LHX8: variants seen among roughly 807,000 people sequenced by gnomAD.
The protein encoded by LHX8 is LIM homeobox 8.
In LHX8, 12 loss-of-function variants were observed where a neutral mutation model predicts 40.3. That is an observed-to-expected ratio of 0.30 (90% CI 0.19 to 0.48). The LOEUF (loss-of-function observed/expected upper bound fraction) is 0.48, where lower values mean the gene tolerates loss of function less well. Ranked by LOEUF, LHX8 falls within the 20% of genes least tolerant of loss-of-function variation. LHX8 has a pLI of 0.99. For missense variants in LHX8, 344 were observed against 433.7 expected, an observed-to-expected ratio of 0.79 and a Z score of 1.84; for synonymous variants, 179 against 162.0, an observed-to-expected ratio of 1.10 and a Z score of -0.80.
the LHX8 span, among the ~76,000 whole-genome samples, chr1:75,197,766 G>A: frequency 6.6e-6 from 1 of 152,100 alleles, no homozygotes; most frequent in Non-Finnish European, 1.5e-5. Flanking sequence ...CAGTTTTCAG[G>A]GGTTTCCTGT....
Position 75,156,998 on chromosome 1 carries a change from A to G in LHX8, c.886A>G (p.Met296Val), listed in dbSNP as rs559902996. Reference sequence around the variant, plus strand: ...CCCACCCTCCAGGCTGTCTCCACCCATGTTAGAAGAAATGGCTTATTCTGC... The same window carrying G: ...CCCACCCTCCAGGCTGTCTCCACCCGTGTTAGAAGAAATGGCTTATTCTGC... ...AVPPSRLSPP[M>V]LEEMAYSAYV... Residue 296 changes from methionine to valine, a missense_variant, in exon 8 of 9, where the codon ATG becomes GTG. Physicochemically the swap from Met to Val is conservative, Grantham distance 21 (BLOSUM62 1). Coordinates refer to ENST00000356261, the MANE Select transcript of LHX8 (RefSeq NM_001256114.2). 2.4e-5 allele frequency: 39 copies of G among 1,614,014 alleles called. No homozygotes were observed. The highest frequency in any genetic ancestry group is 3.1e-5 in the Non-Finnish European group (36 of 1,180,028).
chr1:75,145,825 A>G (rs3925749), intron 6 of LHX8, among the ~76,000 whole-genome samples: 137,423 of 152,140 alleles, frequency 0.9, 62,121 homozygotes, highest in East Asian at 0.98. Flanking sequence ...TTTAAGCCTT[A>G]CATTATGGTA....
At chr1:75,163,471 G>C (rs1017066037), downstream of LHX8, among the ~76,000 whole-genome samples, 1 of 152,278 alleles carries the variant, frequency 6.6e-6, no homozygotes, top group East Asian at 1.9e-4. Flanking sequence ...AGTACCAAAA[G>C]TATATTAGTG....
the LHX8 span, among the ~76,000 whole-genome samples, chr1:75,173,126 A>G: frequency 1.3e-5 from 2 of 152,242 alleles, no homozygotes; most frequent in Admixed American, 1.3e-4. Context: ...GGAGTAGGCA[A>G]GATATCTAGG....
intron 7 of LHX8, among the ~76,000 whole-genome samples, chr1:75,154,103 CTT>C (rs1180234333): frequency 2.0e-5 from 3 of 152,046 alleles, no homozygotes; most frequent in Non-Finnish European, 4.4e-5. Flanking sequence ...AATGTTAACT[CTT>C]GTTGGAGGTT....
At chr1:75,148,514 A>G (rs1345879826) in intron 6 of LHX8, 73 bp from the exon 7 acceptor site, 1 of 1,019,708 alleles carries the variant, frequency 9.8e-7, no homozygotes, top group Non-Finnish European at 1.6e-6. Flanking sequence ...CTTACCTCTT[A>G]TGATAAAAAT....
chr1:75,130,808 G>A (rs1647941985), upstream of LHX8: 2 of 1,406,626 alleles, frequency 1.4e-6, no homozygotes, highest in South Asian at 1.2e-5. Flanking sequence ...ATGGTTACAC[G>A]TGATGGGCAA....
chr1:75,136,812 C>A, intron 2 of LHX8, 123 bp downstream of exon 2: 1 of 396,772 alleles, frequency 2.5e-6, no homozygotes, highest in Non-Finnish European at 4.9e-6. Context: ...AGACAGAGGA[C>A]GGGGCGGAGA....
chr1:75,163,622 C>T (rs979137713), downstream of LHX8, among the ~76,000 whole-genome samples: 4 of 152,166 alleles, frequency 2.6e-5, no homozygotes, highest in Non-Finnish European at 5.9e-5. Flanking sequence ...TGGATGACAT[C>T]TCATAAACAT....
chr1:75,162,862 T>C (rs1648949702), downstream of LHX8, among the ~76,000 whole-genome samples: 1 of 152,142 alleles, frequency 6.6e-6, no homozygotes. Context: ...AGTGTTTAAG[T>C]ATGTGAGCAC....
rs1054684168 is a variant in LHX8, at chr1:75,135,035, G to C, written c.-13+81G>C. ...GGTCGGGAGGACTGGGCGGCTGTCG[G>C]GTGGAACCGGAGACCTGGCTCGTTT... is the stretch of plus-strand genomic sequence containing the variant. On this transcript the variant is annotated intron_variant, in intron 1 of 8. Transcript: ENST00000356261. The C allele has an allele frequency of 1.3e-5, 8 of 625,634 alleles. No individual in the cohort carries two copies. In the Admixed American group the frequency reaches 5.0e-4, roughly 39 times the overall value. The allele number at this position is 625,634 out of a possible 1,614,324, so 38.8% of individuals were successfully genotyped here.
chr1:75,151,797 A>G (rs1265423047), intron 7 of LHX8, among the ~76,000 whole-genome samples: 1 of 152,242 alleles, frequency 6.6e-6, no homozygotes, highest in African/African-American at 2.4e-5. Flanking sequence ...GAAGCAAAGA[A>G]GAAGGAGAGT....
At chr1:75,189,979 A>T in the LHX8 span, among the ~76,000 whole-genome samples, 1 of 152,196 alleles carries the variant, frequency 6.6e-6, no homozygotes, top group Admixed American at 6.5e-5. Flanking sequence ...CCTCGTCAAA[A>T]TAAGGATAAA....
At chr1:75,157,739 G>A (rs1315885254) in intron 8 of LHX8, among the ~76,000 whole-genome samples, 1 of 152,120 alleles carries the variant, frequency 6.6e-6, no homozygotes, top group African/African-American at 2.4e-5. Flanking sequence ...ATATTATTGT[G>A]AGAATCTGTT....
At chr1:75,197,308 TA>T in the LHX8 span, among the ~76,000 whole-genome samples, 6 of 152,184 alleles carry the variant, frequency 3.9e-5, no homozygotes, top group African/African-American at 7.2e-5. Context: ...CTTAAAGTGC[TA>T]AAATTAGCAT....
intron 8 of LHX8, chr1:75,160,588 A>C (rs1053444472): frequency 1.8e-6 from 1 of 553,044 alleles, no homozygotes; most frequent in African/African-American, 1.9e-5. Flanking sequence ...GAGGACATTA[A>C]AATGGCAAAA....
chr1:75,156,972 T>C lies in LHX8; in HGVS notation c.860T>C (p.Val287Ala), dbSNP rs1308939656. The C allele has an allele frequency of 1.2e-6, 2 of 1,614,128 alleles. No individual in the cohort carries two copies. Among genetic ancestry groups the C allele is most frequent in the African/African-American group, 1.3e-5 (1 of 75,042 alleles). Residue 287 changes from valine to alanine, a missense_variant, in exon 8 of 9, where the codon GTC becomes GCC. Physicochemically the swap from Val to Ala is moderately conservative, Grantham distance 64. Around this residue, in one of 3 missense-constraint regions of LHX8, gnomAD observed 89 missense variants for 92.8 expected, o/e 0.96. Transcript: ENST00000356261. ...TCATCCTCCACCCCAGTCACAGCAG[T>C]CCCACCCTCCAGGCTGTCTCCACCC... ...NHSSSTPVTA[V>A]PPSRLSPPML...
the LHX8 span, among the ~76,000 whole-genome samples, chr1:75,177,474 T>C: frequency 6.6e-6 from 1 of 152,202 alleles, no homozygotes; most frequent in Non-Finnish European, 1.5e-5. Context: ...GGCTCTTTGT[T>C]TGTCTATTAT....
At chr1:75,195,010 A>T in the LHX8 span, among the ~76,000 whole-genome samples, 4 of 152,190 alleles carry the variant, frequency 2.6e-5, no homozygotes, top group African/African-American at 9.7e-5. Context: ...TGCTTAGTGG[A>T]AGAGCAAGGC....
Sources: gnomAD v4.1 joint callset for allele counts (sites outside exome capture counted in the v4.1 genomes callset) on GRCh38, gnomAD v4.1.1 for gene constraint, gnomAD v4.1.1 regional missense constraint, MANE v1.5 for transcripts, NCBI Gene and HGNC (gene_info 2026-07-23, HGNC 2026-07-21) for gene names.